The following SMYD3 variants were observed in gnomAD, a reference collection of about 807,000 sequenced individuals.
The protein encoded by SMYD3 is histone-lysine N-methyltransferase SMYD3.
Under a neutral mutation model 57.7 loss-of-function variants are expected in SMYD3, and 36 were observed. The observed-to-expected ratio is 0.62, with a 90% CI of 0.48 to 0.82. SMYD3 has a LOEUF of 0.82. Ranked by LOEUF, SMYD3 falls within the 40% of genes least tolerant of loss-of-function variation. SMYD3 has a pLI of 0.00. For missense variants in SMYD3, 515 were observed against 538.8 expected (o/e 0.96, Z 0.44); for synonymous variants, 211 against 195.0 (o/e 1.08, Z -0.68).
Position 246,370,557 on chromosome 1 carries a change from C to T in SMYD3, c.165-15463G>A, listed in dbSNP as rs1298597606. On this transcript the variant is annotated intron_variant, in intron 1 of 11. Coordinates refer to ENST00000490107, the MANE Select transcript of SMYD3 (RefSeq NM_001167740.2). ...AAAGTGGGAATAAGTGACTTACTCA[C>T]GGGACTGCAAGGCAAACTATGAGAT... 5.9e-5 allele frequency among the ~76,000 whole-genome samples: 9 copies of T among 152,172 alleles called. No homozygotes were observed. In the East Asian group the frequency reaches 9.6e-4, roughly 16 times the overall value.
At chr1:245,970,974 T>G (rs934999785) in intron 5 of SMYD3, among the ~76,000 whole-genome samples, 1 of 152,130 alleles carries the variant, frequency 6.6e-6, no homozygotes, top group Non-Finnish European at 1.5e-5. Flanking sequence ...TATAAATCAT[T>G]CTACTATAAA....
At chr1:246,378,809 TATATA>T (rs1444064936) in intron 1 of SMYD3, among the ~76,000 whole-genome samples, 87 of 117,014 alleles carry the variant, frequency 7.4e-4, no homozygotes, top group East Asian at 5.6e-3. Flanking sequence ...TTATATATTA[TATATA>T]ATATATTTAT....
chr1:246,158,925 T>A (rs957792752), intron 5 of SMYD3, among the ~76,000 whole-genome samples: 5 of 152,170 alleles, frequency 3.3e-5, no homozygotes, highest in African/African-American at 9.7e-5. Context: ...TGGAGCTTAA[T>A]TCTACCCAGC....
chr1:246,159,417 T>C (rs1179225180), intron 5 of SMYD3, among the ~76,000 whole-genome samples: 6 of 152,256 alleles, frequency 3.9e-5, no homozygotes, highest in East Asian at 3.9e-4. Flanking sequence ...GCCTAGTCAG[T>C]CCCTTCCTAT....
At chr1:245,911,454 G>A (rs2054971972) in intron 8 of SMYD3, among the ~76,000 whole-genome samples, 1 of 151,450 alleles carries the variant, frequency 6.6e-6, no homozygotes, top group South Asian at 2.1e-4. Context: ...GCCAAGGCAG[G>A]GGTCGACCTA....
intron 10 of SMYD3, among the ~76,000 whole-genome samples, chr1:245,798,870 C>CCAG (rs1187781281): frequency 6.6e-6 from 1 of 152,150 alleles, no homozygotes; most frequent in Non-Finnish European, 1.5e-5. Flanking sequence ...ACCCCTCAGC[C>CCAG]CAGCCTTGCT....
chr1:245,794,471 C>A (rs560647195), intron 10 of SMYD3, among the ~76,000 whole-genome samples: 1 of 152,170 alleles, frequency 6.6e-6, no homozygotes, highest in Non-Finnish European at 1.5e-5. Flanking sequence ...TCTCTGCCAG[C>A]GATGTTCTGA....
rs1365641984 is a variant in SMYD3, at chr1:245,825,678, TGA to T, written c.1076+32816_1076+32817del. 5.3e-5 allele frequency among the ~76,000 whole-genome samples: 8 copies of T among 152,256 alleles called. No individual in the cohort carries two copies. The East Asian group carries it at 1.5e-3, about 29-fold the overall frequency. On this transcript the variant is annotated intron_variant, in intron 10 of 11. Coordinates refer to ENST00000490107, the MANE Select transcript of SMYD3 (RefSeq NM_001167740.2). The stretch of plus-strand genomic sequence containing the variant: ...TGTTCCATGAGTCTGGAAGCCCCTG[TGA>T]GAGAGGAATTGATGAGCACAGCAAG...
chr1:245,991,291 C>T (rs1339398261), intron 5 of SMYD3, among the ~76,000 whole-genome samples: 1 of 152,124 alleles, frequency 6.6e-6, no homozygotes, highest in Non-Finnish European at 1.5e-5. Flanking sequence ...CACATTAGTT[C>T]ATTAATGGTA....
At chr1:246,145,072 T>C (rs2061822531) in intron 5 of SMYD3, among the ~76,000 whole-genome samples, 1 of 152,216 alleles carries the variant, frequency 6.6e-6, no homozygotes, top group Admixed American at 6.5e-5. Context: ...TGGAGTACAG[T>C]GGCTATTCAC....
chr1:246,048,731 A>C (rs1450561907), intron 5 of SMYD3, among the ~76,000 whole-genome samples: 1 of 152,088 alleles, frequency 6.6e-6, no homozygotes, highest in African/African-American at 2.4e-5. Flanking sequence ...GAATGATAGC[A>C]ACTTCACAAG....
intron 1 of SMYD3, among the ~76,000 whole-genome samples, chr1:246,383,499 TACA>T (rs1021447298): frequency 2.0e-5 from 3 of 152,054 alleles, no homozygotes; most frequent in East Asian, 3.9e-4. Context: ...TGGTCTAATA[TACA>T]ACAACAACAA....
intron 5 of SMYD3, among the ~76,000 whole-genome samples, chr1:246,291,035 A>AT (rs1158208399): frequency 7.3e-6 from 1 of 137,636 alleles, no homozygotes; most frequent in Non-Finnish European, 1.6e-5. Context: ...TTTAAGCGTG[A>AT]TAAAAAAAAA....
At chr1:246,279,881 T>A (rs982518315) in intron 5 of SMYD3, among the ~76,000 whole-genome samples, 2 of 152,206 alleles carry the variant, frequency 1.3e-5, no homozygotes, top group Non-Finnish European at 1.5e-5. Context: ...AAATCTTTAG[T>A]TGAACAATTA....
chr1:246,476,253 G>C (rs546181708), intron 1 of SMYD3, among the ~76,000 whole-genome samples: 1 of 152,296 alleles, frequency 6.6e-6, no homozygotes, highest in South Asian at 2.1e-4. Context: ...TTACAGTTAA[G>C]GAAACTGAGA....
chr1:246,449,355 G>A (rs2067597943), intron 1 of SMYD3, among the ~76,000 whole-genome samples: 2 of 152,332 alleles, frequency 1.3e-5, no homozygotes, highest in African/African-American at 2.4e-5. Flanking sequence ...AGTAGCCTTT[G>A]ATTGTACTCA....
chr1:246,321,917 AT>A (rs36096285), intron 5 of SMYD3: 52,749 of 150,696 alleles, frequency 0.35, 9,816 homozygotes, highest in East Asian at 0.69. Flanking sequence ...CTCTCAGCTA[AT>A]TTTTTTTTTA....
intron 5 of SMYD3, among the ~76,000 whole-genome samples, chr1:245,976,201 TCGTCTCCGGCCC>T (rs2148046900): frequency 2.1e-5 from 1 of 47,006 alleles, no homozygotes; most frequent in East Asian, 4.8e-4. Flanking sequence ...GGGAAAGCCA[TCGTCTCCGGCCC>T]AGGGAAAGCC....
chr1:246,093,379 A>T (rs1245729863), intron 5 of SMYD3, among the ~76,000 whole-genome samples: 1 of 152,236 alleles, frequency 6.6e-6, no homozygotes, highest in Non-Finnish European at 1.5e-5. Context: ...GCCCATCAAC[A>T]GATAAATGCA....
Sources: gnomAD v4.1 joint callset for allele counts (sites outside exome capture counted in the v4.1 genomes callset) on GRCh38, gnomAD v4.1.1 for gene constraint, MANE v1.5 for transcripts, NCBI Gene and HGNC (gene_info 2026-07-23, HGNC 2026-07-21) for gene names.